Variants in TENM1 observed in about 807,000 individuals in gnomAD.
TENM1 encodes the protein teneurin-1.
In TENM1, 35 loss-of-function variants were observed where a neutral mutation model predicts 174.8. The ratio of observed to expected loss-of-function variants is 0.20; its 90% CI spans 0.15 to 0.27. TENM1 has a LOEUF of 0.27. TENM1 is among the 10% of genes least tolerant of loss of function. TENM1 has a pLI of 1.00. For missense variants in TENM1, 1,633 were observed against 2,130.1 expected, an observed-to-expected ratio of 0.77 and a Z score of 4.59; for synonymous variants, 781 against 798.7, an observed-to-expected ratio of 0.98 and a Z score of 0.37.
chrX:124,851,312 CAGG>C (rs1206423167), intron 3 of TENM1, among the ~76,000 whole-genome samples: 1 of 111,440 alleles, frequency 9.0e-6, no homozygotes, highest in Admixed American at 9.5e-5. Flanking sequence ...TACAGGGCTC[CAGG>C]AGAAGTCCTT....
chrX:125,127,474 T>C, the TENM1 span, among the ~76,000 whole-genome samples: 12 of 111,820 alleles, frequency 1.1e-4, no homozygotes, highest in African/African-American at 3.9e-4. Flanking sequence ...TAGTTTGTTA[T>C]CATAACTTAG....
At chrX:124,938,386 T>C (rs2058276754) in intron 1 of TENM1, among the ~76,000 whole-genome samples, 1 of 112,448 alleles carries the variant, frequency 8.9e-6, no homozygotes, top group African/African-American at 3.2e-5. Context: ...ATCTGCTTCA[T>C]TTAAACAGTT....
chrX:124,665,420 T>A (rs1302749733), intron 6 of TENM1, among the ~76,000 whole-genome samples: 2 of 111,507 alleles, frequency 1.8e-5, no homozygotes, highest in Non-Finnish European at 3.8e-5. Context: ...TATTTTACAA[T>A]TGTAAATGCT....
the TENM1 span, among the ~76,000 whole-genome samples, chrX:125,049,661 A>G: frequency 3.6e-5 from 4 of 111,970 alleles, no homozygotes; most frequent in African/African-American, 9.7e-5. Context: ...CAAGCAATGT[A>G]TAAGTGTTTT....
the TENM1 span, among the ~76,000 whole-genome samples, chrX:124,982,743 T>A: frequency 1.3e-4 from 15 of 112,139 alleles, no homozygotes; most frequent in African/African-American, 4.9e-4. Flanking sequence ...CTTATTCATT[T>A]AGTAAATCTT....
At chrX:124,906,114 A>G (rs1157429553) in intron 1 of TENM1, among the ~76,000 whole-genome samples, 1 of 112,020 alleles carries the variant, frequency 8.9e-6, no homozygotes, top group East Asian at 2.8e-4. Flanking sequence ...ATCATAACTT[A>G]GTCTAGCCTA....
chrX:124,673,021 T>C (rs1308056565), intron 5 of TENM1, among the ~76,000 whole-genome samples: 2 of 111,938 alleles, frequency 1.8e-5, no homozygotes, highest in Non-Finnish European at 3.8e-5. Flanking sequence ...ACATTTGCCA[T>C]CTGTGAAAAA....
At chrX:124,581,856 A>C (rs936098603) in intron 11 of TENM1, among the ~76,000 whole-genome samples, 4 of 111,285 alleles carry the variant, frequency 3.6e-5, no homozygotes, top group African/African-American at 1.3e-4. Flanking sequence ...AGAAGTGTCT[A>C]TTCATATCTT....
chrX:125,125,363 AT>A, the TENM1 span, among the ~76,000 whole-genome samples: 116 of 112,126 alleles, frequency 1.0e-3, no homozygotes, highest in Non-Finnish European at 1.7e-3. Flanking sequence ...TTTAGAATTT[AT>A]TTTTTTAACT....
At chrX:124,972,542 T>C in the TENM1 span, among the ~76,000 whole-genome samples, 2 of 112,221 alleles carry the variant, frequency 1.8e-5, no homozygotes, top group African/African-American at 6.5e-5. Context: ...TTTGATTGAA[T>C]TCTAACACTG....
chrX:124,558,830 C>A (rs931184675), intron 14 of TENM1, among the ~76,000 whole-genome samples: 1 of 110,842 alleles, frequency 9.0e-6, no homozygotes, highest in Non-Finnish European at 1.9e-5. Flanking sequence ...GCTTTCCCCC[C>A]GTTCCCTAAA....
chrX:124,765,352 A>G (rs955873097), intron 3 of TENM1, among the ~76,000 whole-genome samples: 2 of 111,874 alleles, frequency 1.8e-5, no homozygotes, highest in Non-Finnish European at 3.8e-5. Flanking sequence ...TGTGCTTTGT[A>G]TTTGTATACT....
intron 19 of TENM1, 60 bp from the exon 23 acceptor site, chrX:124,497,325 A>C: frequency 9.1e-7 from 1 of 1,102,875 alleles, no homozygotes; most frequent in Non-Finnish European, 1.2e-6. Flanking sequence ...AAATAATCTC[A>C]GCAATATTTT....
intron 1 of TENM1, 98 bp downstream of exon 4, chrX:124,963,439 G>C: frequency 1.3e-6 from 1 of 759,595 alleles, no homozygotes; most frequent in Non-Finnish European, 1.9e-6. Flanking sequence ...TTATTAACCA[G>C]TTAACATTAG....
At chrX:124,931,581 A>T (rs2058172234) in intron 1 of TENM1, among the ~76,000 whole-genome samples, 1 of 111,321 alleles carries the variant, frequency 9.0e-6, no homozygotes, top group South Asian at 3.8e-4. Context: ...CTCTGGAGTT[A>T]TTTCCTCGGC....
At chrX:124,932,745 T>G (rs1004002924) in intron 1 of TENM1, among the ~76,000 whole-genome samples, 1 of 112,140 alleles carries the variant, frequency 8.9e-6, no homozygotes, top group Non-Finnish European at 1.9e-5. Flanking sequence ...GAGTCTCAGT[T>G]ACTATATTTA....
At chrX:125,193,707 A>G in the TENM1 span, among the ~76,000 whole-genome samples, 2 of 111,372 alleles carry the variant, frequency 1.8e-5, no homozygotes, top group Admixed American at 1.9e-4. Flanking sequence ...AGCTAAGCTC[A>G]CCTACCTGCC....
intron 3 of TENM1, among the ~76,000 whole-genome samples, chrX:124,761,363 A>G (rs1465952875): frequency 3.6e-5 from 4 of 110,517 alleles, no homozygotes; most frequent in Non-Finnish European, 7.6e-5. Flanking sequence ...TTATGTGGCC[A>G]TAAAAAAGGA....
chrX:125,039,448 G>T, the TENM1 span, among the ~76,000 whole-genome samples: 1 of 110,375 alleles, frequency 9.1e-6, no homozygotes, highest in East Asian at 2.9e-4. Context: ...TCTACAGGTG[G>T]CCCCCAAAGC....
Sources: allele counts gnomAD v4.1 joint callset (sites outside exome capture counted in the v4.1 genomes callset), GRCh38; gene constraint gnomAD v4.1.1; transcripts MANE v1.5; gene names NCBI Gene and HGNC (gene_info 2026-07-23, HGNC 2026-07-21).